Variants in TRMT10A observed in about 807,000 individuals in gnomAD.
The protein encoded by TRMT10A is tRNA methyltransferase 10 homolog A.
TRMT10A carries 37 observed loss-of-function variants against 40.4 expected under a neutral mutation model. That is an observed-to-expected ratio of 0.92 (90% confidence interval 0.71 to 1.21). TRMT10A has a LOEUF of 1.21. TRMT10A is among the 50% of genes most tolerant of loss of function. The pLI, the probability that TRMT10A is intolerant of heterozygous loss-of-function variation, is 0.00. For missense variants in TRMT10A, 388 were observed against 404.3 expected, an observed-to-expected ratio of 0.96 and a Z score of 0.35; for synonymous variants, 103 against 134.1, an observed-to-expected ratio of 0.77 and a Z score of 1.60.
intron 3 of TRMT10A, chr4:99,557,653 G>T (rs1724217334): frequency 2.3e-6 from 1 of 437,680 alleles, no homozygotes; most frequent in Admixed American, 4.0e-5. Context: ...TAAAATGCTA[G>T]TTCATGAAAA....
chr4:99,562,198 T>C (rs751203533), intron 1 of TRMT10A, among the ~76,000 whole-genome samples: 4 of 123,476 alleles, frequency 3.2e-5, no homozygotes, highest in Non-Finnish European at 6.4e-5. Flanking sequence ...TATATATATA[T>C]ATATGTGTGT....
Position 99,548,951 on chromosome 4 carries a change from T to G in TRMT10A, c.*137A>C. 1 of 802,612 alleles carries G rather than the reference T, an allele frequency of 1.2e-6. No individual in the cohort carries two copies. Among genetic ancestry groups the G allele is most frequent in the Non-Finnish European group, 1.8e-6 (1 of 560,430 alleles). The allele number at this position is 802,612 out of a possible 1,614,324, so 49.7% of individuals were successfully genotyped here. On this transcript the variant is annotated 3_prime_UTR_variant, in exon 8 of 8. Coordinates refer to ENST00000394876, the MANE Select transcript of TRMT10A (RefSeq NM_001134665.3). ...TTTAAAGGGCTTTTTTTTTTATTAT[T>G]ATTTAGGTCCAAAAAAAAGTTTTTA...
rs756309644 is a variant in TRMT10A, at chr4:99,559,171, C to T, written c.168G>A (p.Glu56=). The change falls in exon 2 of 8, where the codon GAG becomes GAA. Residue 56 remains glutamate, a synonymous_variant. Coordinates refer to ENST00000394876, the MANE Select transcript of TRMT10A (RefSeq NM_001134665.3). Reference sequence around the variant, plus strand: ...ACACATACTTGCGGAGTTCCCGTTGCTCTTCCCATTGTTTCTGTTTTATTA... The same window carrying T: ...ACACATACTTGCGGAGTTCCCGTTGTTCTTCCCATTGTTTCTGTTTTATTA... ...KKLIKQKQWE[E]QRELRKQKRK... is the part of the protein sequence containing the mutation. The T allele has an allele frequency of 1.2e-6, 2 of 1,612,120 alleles. No homozygotes were observed. The highest frequency in any genetic ancestry group is 1.3e-5 in the African/African-American group (1 of 74,840).
At position 99,556,203 on chromosome 4, in the gene TRMT10A, G is replaced by A. The variant is rs767404604; in HGVS notation, c.438C>T (p.His146=). The A allele has an allele frequency of 5.5e-5, 89 of 1,613,284 alleles. No individual in the cohort carries two copies. Among genetic ancestry groups the A allele is most frequent in the Middle Eastern group, 5.0e-4 (3 of 6,052 alleles). ...CCATGTTCTTTTTCAGCTGGCCTCC[G>A]TGGCTTGTCAAGTAAAACTGATAAA... ...LHPVQFYLTS[H]GGQLKKNMDE... Residue 146 remains histidine (H), a synonymous_variant, in exon 5 of 8, where the codon CAC becomes CAT. Transcript: ENST00000394876.
chr4:99,553,027 A>G (rs1374194526), intron 6 of TRMT10A, among the ~76,000 whole-genome samples: 1 of 152,208 alleles, frequency 6.6e-6, no homozygotes, highest in African/African-American at 2.4e-5. Context: ...CACTAAGAAA[A>G]AAACAAAAAG....
At chr4:99,556,065 A>G in intron 5 of TRMT10A, 81 bp downstream of exon 5, 1 of 1,284,352 alleles carries the variant, frequency 7.8e-7, no homozygotes, top group Non-Finnish European at 1.1e-6. Context: ...GTAGCATTAT[A>G]TAGAATTTAG....
intron 4 of TRMT10A, among the ~76,000 whole-genome samples, chr4:99,556,650 G>A (rs1303712216): frequency 6.6e-6 from 1 of 151,906 alleles, no homozygotes; most frequent in Non-Finnish European, 1.5e-5. Context: ...TAAAAATGGG[G>A]ATAAAAGGAC....
intron 4 of TRMT10A, 44 bp downstream of exon 4, chr4:99,557,301 A>T: frequency 6.4e-7 from 1 of 1,553,588 alleles, no homozygotes; most frequent in African/African-American, 1.4e-5. Context: ...GCCACAAAAG[A>T]CATAAAAGAA....
In TRMT10A at chr4:99,549,013, T is replaced by C. The variant is rs981443458; in HGVS notation, c.*75A>G. 9 of 1,394,094 alleles carry C rather than the reference T, an allele frequency of 6.5e-6. No homozygotes were observed. The highest frequency in any genetic ancestry group is 4.9e-5 in the Admixed American group (2 of 40,678). 86.4% of individuals were successfully genotyped at this position (1,394,094 alleles called of 1,614,324 possible). A position where few individuals can be genotyped will look rare whatever the true frequency, so the allele number is the denominator to read the frequency against. ...AGAAATAAGAGAAAATAAAATGTTC[T>C]TCCAATTTCAATATTCTATATAGCA... On this transcript the variant is annotated 3_prime_UTR_variant, in exon 8 of 8. Coordinates refer to ENST00000394876, the MANE Select transcript of TRMT10A (RefSeq NM_001134665.3).
chr4:99,555,063 T>C (rs1213459460), intron 5 of TRMT10A, among the ~76,000 whole-genome samples: 4 of 152,206 alleles, frequency 2.6e-5, no homozygotes, highest in Non-Finnish European at 5.9e-5. Context: ...AAGAGGAACC[T>C]GATTAATTAG....
At chr4:99,555,360 G>A (rs879930965) in intron 5 of TRMT10A, among the ~76,000 whole-genome samples, 3 of 152,118 alleles carry the variant, frequency 2.0e-5, no homozygotes, top group East Asian at 1.9e-4. Flanking sequence ...AAGAAAAAAG[G>A]TATAGGGATA....
Position 99,557,347 on chromosome 4 carries a change from G to T in TRMT10A, c.418C>A (p.Gln140Lys), listed in dbSNP as rs766205801. Residue 140 changes from glutamine to lysine, a missense_variant and splice_region_variant, in exon 4 of 8, where the codon CAG (glutamine) becomes AAG (lysine). Coordinates refer to ENST00000394876, the MANE Select transcript of TRMT10A (RefSeq NM_001134665.3). ...AENRRALHPV[Q>K]FYLTSHGGQL... ...TGCTTTAAAATCTTTACACATACCT[G>T]CACAGGATGCAGTGCCCGTCGGTTT... The T allele has an allele frequency of 6.2e-7, 1 of 1,612,790 alleles. No individual in the cohort carries two copies. The highest frequency in any genetic ancestry group is 1.3e-5 in the African/African-American group (1 of 74,978).
At chr4:99,558,243 A>T (rs767717935) in intron 2 of TRMT10A, 32 bp from the exon 3 acceptor site, 2 of 1,537,886 alleles carry the variant, frequency 1.3e-6, no homozygotes, top group East Asian at 4.5e-5. Context: ...ACATTTTGTT[A>T]TTGTGTATTC....
chr4:99,551,328 A>T (rs1184751062), intron 6 of TRMT10A, among the ~76,000 whole-genome samples: 4 of 152,172 alleles, frequency 2.6e-5, no homozygotes, highest in Non-Finnish European at 1.5e-5. Flanking sequence ...TCTTTTCCCC[A>T]TTCTACCCTG....
rs570723107 is a variant in TRMT10A at position 99,548,318 on chromosome 4, G to C, written c.*770C>G. On this transcript the variant is annotated 3_prime_UTR_variant, in exon 8 of 8. Coordinates refer to ENST00000394876, the MANE Select transcript of TRMT10A (RefSeq NM_001134665.3). ...TGGAAAAAAAAACCACAGCTGCTAA[G>C]AGCTGTTCCATTTTAAATGCAGGTA... 1 of 151,956 alleles carries C rather than the reference G, an allele frequency of 6.6e-6. No homozygotes were observed. Among genetic ancestry groups the C allele is most frequent in the South Asian group, 2.1e-4 (1 of 4,834 alleles). The allele number at this position is 151,956 out of a possible 1,614,324, so 9.4% of individuals were successfully genotyped here.
intron 5 of TRMT10A, among the ~76,000 whole-genome samples, 184 bp from the exon 6 acceptor site, chr4:99,554,118 T>A (rs1724069064): frequency 6.6e-6 from 1 of 152,222 alleles, no homozygotes; most frequent in South Asian, 2.1e-4. Flanking sequence ...CACACTTTGA[T>A]CATTTAAATA....
At chr4:99,562,204 T>C (rs1365702159) in intron 1 of TRMT10A, among the ~76,000 whole-genome samples, 1 of 144,346 alleles carries the variant, frequency 6.9e-6, no homozygotes, top group Non-Finnish European at 1.5e-5. Context: ...TATATATATG[T>C]GTGTGTGTGT....
intron 1 of TRMT10A, among the ~76,000 whole-genome samples, chr4:99,562,201 ATGTGTG>A (rs60133760): frequency 5.9e-5 from 8 of 136,186 alleles, no homozygotes; most frequent in African/African-American, 8.6e-5. Context: ...ATATATATAT[ATGTGTG>A]TGTGTGTGTG....
In TRMT10A at chr4:99,548,706, A is replaced by G. The variant is rs1723834949; in HGVS notation, c.*382T>C. 6.2e-6 allele frequency: 1 copy of G among 160,156 alleles called. No homozygotes were observed. The highest frequency in any genetic ancestry group is 1.4e-5 in the Non-Finnish European group (1 of 73,542). The allele number at this position is 160,156 out of a possible 1,614,324, so 9.9% of individuals were successfully genotyped here. ...TTTATGAATATGTGCCCTCACAGAT[A>G]TATAGGCAATAGATCATAAAGATGT... On this transcript the variant is annotated 3_prime_UTR_variant, in exon 8 of 8. Transcript: ENST00000394876.
Sources: gnomAD v4.1 joint callset for allele counts (sites outside exome capture counted in the v4.1 genomes callset) on GRCh38, gnomAD v4.1.1 for gene constraint, MANE v1.5 for transcripts, NCBI Gene and HGNC (gene_info 2026-07-23, HGNC 2026-07-21) for gene names.